The following BACE2 variants were observed in gnomAD, a reference collection of about 807,000 sequenced individuals.
BACE2 encodes the protein beta-secretase 2.
BACE2 carries 17 observed loss-of-function variants against 46.2 expected under a neutral mutation model. That is an observed-to-expected ratio of 0.37 (90% CI 0.25 to 0.55). The LOEUF is 0.55. Among genes scored for constraint, BACE2 ranks in the 20% least tolerant of loss-of-function variants. The pLI is 0.82. For synonymous variants in BACE2, 277 were observed against 295.9 expected (o/e 0.94, Z 0.66); for missense variants, 595 against 698.1 (o/e 0.85, Z 1.66).
At chr21:41,174,010 A>C (rs1192891096) in intron 1 of BACE2, among the ~76,000 whole-genome samples, 6 of 151,896 alleles carry the variant, frequency 4.0e-5, no homozygotes, top group African/African-American at 1.5e-4. Context: ...CGCCATACTC[A>C]TCCCTGATCT....
rs1568853912 is a variant in BACE2, at chr21:41,174,138, C to CTTTTT, written c.312+5563_312+5564insTTTTT. 1.9e-3 allele frequency among the ~76,000 whole-genome samples: 133 copies of CTTTTT among 70,622 alleles called. 17 individuals carry two copies. The highest frequency in any genetic ancestry group is 9.5e-3 in the African/African-American group (100 of 10,542). 46.3% of individuals were successfully genotyped at this position (70,622 alleles called of 152,430 possible). A position where few individuals can be genotyped will look rare whatever the true frequency, so the allele number is the denominator to read the frequency against. On this transcript the variant is annotated intron_variant, in intron 1 of 8. Coordinates refer to ENST00000330333, the MANE Select transcript of BACE2 (RefSeq NM_012105.5). The stretch of plus-strand genomic sequence containing the variant: ...TAAGGATAGCTGTTGTGATCAGTGG[C>CTTTTT]CTTTTTTTTTTTTTTTTTTTTTTTT...
intron 8 of BACE2, among the ~76,000 whole-genome samples, chr21:41,266,284 TTTTTCCATCACC>T (rs1988064726): frequency 1.3e-5 from 2 of 152,228 alleles, no homozygotes; most frequent in African/African-American, 4.8e-5. Flanking sequence ...CGTTGTTCTA[TTTTTCCATCACC>T]GATGGGGAGT....
At chr21:41,243,631 C>A in intron 5 of BACE2, 121 bp downstream of exon 5, 1 of 1,072,556 alleles carries the variant, frequency 9.3e-7, no homozygotes, top group Non-Finnish European at 1.3e-6. Flanking sequence ...AGGCTCATTA[C>A]ATGAAAAGAT....
intron 1 of BACE2, chr21:41,178,750 C>T (rs1040350387): frequency 5.3e-6 from 1 of 189,608 alleles, no homozygotes; most frequent in Admixed American, 5.3e-5. Context: ...ACATATTAAG[C>T]ACCTACTGCA....
In BACE2 at chr21:41,257,308, G is replaced by A. The variant is rs772719733; in HGVS notation, c.1285G>A (p.Ala429Thr). ...FDRAQKRVGF[A>T]ASPCAEIAGA... is the part of the protein sequence containing the mutation. Reference sequence around the variant, plus strand: ...CAGAGCCCAGAAGAGGGTGGGCTTCGCAGCGAGCCCCTGTGCAGGTGAGCG... The same window carrying A: ...CAGAGCCCAGAAGAGGGTGGGCTTCACAGCGAGCCCCTGTGCAGGTGAGCG... The change falls in exon 8 of 9, where the codon GCA becomes ACA. Residue 429 changes from alanine (A) to threonine (T), a missense_variant. Ala to Thr is a moderately conservative substitution (Grantham distance 58). This residue lies in a region of BACE2 where 343 missense variants were observed against 419.4 expected (regional missense o/e 0.82). Transcript: ENST00000330333. 5.0e-6 allele frequency: 8 copies of A among 1,613,854 alleles called. No individual in the cohort carries two copies. Among genetic ancestry groups the A allele is most frequent in the African/African-American group, 2.7e-5 (2 of 75,042 alleles).
At chr21:41,205,046 C>T (rs1399697814) in intron 1 of BACE2, among the ~76,000 whole-genome samples, 1 of 152,146 alleles carries the variant, frequency 6.6e-6, no homozygotes, top group East Asian at 1.9e-4. Flanking sequence ...CGAAGGGTAG[C>T]AAATTGAACA....
intron 1 of BACE2, among the ~76,000 whole-genome samples, chr21:41,224,230 T>C: frequency 6.7e-6 from 1 of 148,280 alleles, no homozygotes; most frequent in South Asian, 2.2e-4. Flanking sequence ...TTTTTTTTTT[T>C]TTGAGATGGA....
chr21:41,274,292 T>C (rs1568896407), intron 8 of BACE2, among the ~76,000 whole-genome samples: 1 of 152,206 alleles, frequency 6.6e-6, no homozygotes. Context: ...TAATCAAGCC[T>C]GTTTTCCTCT....
At chr21:41,266,326 G>A (rs975039628) in intron 8 of BACE2, among the ~76,000 whole-genome samples, 1 of 152,180 alleles carries the variant, frequency 6.6e-6, no homozygotes, top group Non-Finnish European at 1.5e-5. Flanking sequence ...TTTTGTGTCT[G>A]CTGGCTGCTC....
In BACE2 at chr21:41,226,418, A is replaced by C. The variant is rs899629022; in HGVS notation, c.401+64A>C. The C allele has an allele frequency of 6.3e-6, 9 of 1,422,580 alleles. No homozygotes were observed. The African/African-American group carries it at 1.3e-4, about 20-fold the overall frequency. 88.1% of individuals were successfully genotyped at this position (1,422,580 alleles called of 1,614,324 possible). A position where few individuals can be genotyped will look rare whatever the true frequency, so the allele number is the denominator to read the frequency against. On this transcript the variant is annotated intron_variant, in intron 2 of 8. Coordinates refer to ENST00000330333, the MANE Select transcript of BACE2 (RefSeq NM_012105.5). ...CACTGCATGATCAACATGCTTCAAA[A>C]TGCACCAGAGCATGACAGCCAGAAA...
chr21:41,247,184 G>A (rs1273382411), intron 6 of BACE2, among the ~76,000 whole-genome samples: 3 of 152,194 alleles, frequency 2.0e-5, no homozygotes, highest in Admixed American at 6.5e-5. Context: ...TAGCAGAAAC[G>A]TGACAAGCGG....
Position 41,243,529 on chromosome 21 carries a change from C to T in BACE2, c.882+19C>T, listed in dbSNP as rs760226647. 1 of 1,594,070 alleles carries T rather than the reference C, an allele frequency of 6.3e-7. No individual in the cohort carries two copies. The highest frequency in any genetic ancestry group is 8.5e-7 in the Non-Finnish European group (1 of 1,172,090). On this transcript the variant is annotated intron_variant, in intron 5 of 8. Transcript: ENST00000330333. ...CAGAGAGGTATTTATGCTATGGTCT[C>T]TGTTGTGTCTTTCTGTGTATGTCTG...
chr21:41,247,934 C>G (rs748030714), intron 6 of BACE2, among the ~76,000 whole-genome samples: 1 of 152,158 alleles, frequency 6.6e-6, no homozygotes, highest in African/African-American at 2.4e-5. Context: ...TAAGCCAAAC[C>G]TCTTGGCGTG....
intron 2 of BACE2, among the ~76,000 whole-genome samples, chr21:41,236,027 G>A (rs1987107530): frequency 6.6e-6 from 1 of 152,208 alleles, no homozygotes; most frequent in Non-Finnish European, 1.5e-5. Flanking sequence ...CTGCAGGTGA[G>A]CAGGATCGCT....
At chr21:41,228,014 A>C (rs767748571) in intron 2 of BACE2, among the ~76,000 whole-genome samples, 3 of 152,196 alleles carry the variant, frequency 2.0e-5, no homozygotes, top group Non-Finnish European at 4.4e-5. Context: ...AGGAGTTCAG[A>C]GAGACAGGGG....
intron 1 of BACE2, among the ~76,000 whole-genome samples, chr21:41,201,329 T>C (rs1470863877): frequency 6.6e-6 from 1 of 152,254 alleles, no homozygotes; most frequent in African/African-American, 2.4e-5. Context: ...TGAGTTTGTT[T>C]TTCACAAATC....
At chr21:41,269,478 T>C (rs1248776024) in intron 8 of BACE2, among the ~76,000 whole-genome samples, 1 of 152,154 alleles carries the variant, frequency 6.6e-6, no homozygotes, top group East Asian at 1.9e-4. Context: ...ACTGAGCTGT[T>C]TTCCCTGCCT....
At chr21:41,245,816 ACATGAATGAACTACACAGTC>A (rs1987448634) in intron 5 of BACE2, 126 bp from the exon 6 acceptor site, 1 of 547,206 alleles carries the variant, frequency 1.8e-6, no homozygotes. Context: ...AGTTCTGAGA[ACATGAATGAACTACACAGTC>A]CATGATGACT....
Position 41,225,190 on chromosome 21 carries a change from T to C in BACE2, c.313-1076T>C, listed in dbSNP as rs372657834. Among the ~76,000 whole-genome samples the C allele has an allele frequency of 1.0e-4, 15 of 148,420 alleles. 1 individual carries two copies. The highest frequency in any genetic ancestry group is 4.0e-4 in the East Asian group (2 of 5,024). ...CAGAGTTTGCACTGAGCCGAGATCG[T>C]GCCACTGCACTCCAGCCTGAACGAT... On this transcript the variant is annotated intron_variant, in intron 1 of 8. Transcript: ENST00000330333.
Sources: allele counts gnomAD v4.1 joint callset (sites outside exome capture counted in the v4.1 genomes callset), GRCh38; gene constraint gnomAD v4.1.1; regional missense constraint gnomAD v4.1.1; transcripts MANE v1.5; gene names NCBI Gene and HGNC (gene_info 2026-07-23, HGNC 2026-07-21).